KCNT2: variants seen among roughly 807,000 people sequenced by gnomAD.
KCNT2 encodes potassium channel subfamily T member 2.
A neutral mutation model predicts 153.8 loss-of-function variants in KCNT2; 67 were observed. That is an observed-to-expected ratio of 0.44 (90% CI 0.36 to 0.53). KCNT2 has a LOEUF of 0.53. KCNT2 is among the 20% of genes least tolerant of loss of function. The pLI is 0.00. For missense variants in KCNT2, 975 were observed against 1,354.8 expected, an observed-to-expected ratio of 0.72 and a Z score of 4.40; for synonymous variants, 500 against 458.8, an observed-to-expected ratio of 1.09 and a Z score of -1.15.
intron 18 of KCNT2, among the ~76,000 whole-genome samples, chr1:196,329,551 A>G (rs1466788741): frequency 6.6e-6 from 1 of 151,878 alleles, no homozygotes; most frequent in African/African-American, 2.4e-5. Flanking sequence ...AGAAATAAAA[A>G]CCAGAAGTGA....
chr1:196,487,342 G>A (rs1283648543), intron 3 of KCNT2, among the ~76,000 whole-genome samples: 7 of 151,498 alleles, frequency 4.6e-5, no homozygotes, highest in South Asian at 2.1e-4. Context: ...CAAAGATTCC[G>A]GTCTTAGGAC....
chr1:196,477,714 C>T lies in KCNT2; in HGVS notation c.384+1465G>A, dbSNP rs558789948. 3.9e-5 allele frequency among the ~76,000 whole-genome samples: 6 copies of T among 152,278 alleles called. No individual in the cohort carries two copies. The South Asian group carries it at 1.0e-3, about 26-fold the overall frequency. On this transcript the variant is annotated intron_variant, in intron 5 of 27. Coordinates refer to ENST00000294725, the MANE Select transcript of KCNT2 (RefSeq NM_198503.5). ...TAACAAAAATTAGTAATGATTATGACAACCACTCCAATGACTTTCTATCTT... is the reference window on the plus strand; with the variant it reads ...TAACAAAAATTAGTAATGATTATGATAACCACTCCAATGACTTTCTATCTT...
At chr1:196,277,450 C>A (rs1325688341) in intron 25 of KCNT2, among the ~76,000 whole-genome samples, 1 of 152,090 alleles carries the variant, frequency 6.6e-6, no homozygotes, top group African/African-American at 2.4e-5. Context: ...ACTTAGCGTT[C>A]AGAATTCAGT....
At chr1:196,357,553 T>A (rs2148252334) in intron 14 of KCNT2, among the ~76,000 whole-genome samples, 1 of 152,024 alleles carries the variant, frequency 6.6e-6, no homozygotes, top group East Asian at 1.9e-4. Flanking sequence ...AATCATTGGT[T>A]CTAGCTGTGG....
In KCNT2 at chr1:196,386,739, T is replaced by A. The variant is rs1001631824; in HGVS notation, c.1294+11824A>T. On this transcript the variant is annotated intron_variant, in intron 13 of 27. Transcript: ENST00000294725. The stretch of plus-strand genomic sequence containing the variant: ...TTCTCATTCCTTATTTGAAGCAGAG[T>A]TAGCGTTCTCAAGAAGGATTTAGCT... 2.6e-5 allele frequency among the ~76,000 whole-genome samples: 4 copies of A among 152,068 alleles called. No individual in the cohort carries two copies. The East Asian group carries it at 5.8e-4, about 22-fold the overall frequency.
intron 25 of KCNT2, among the ~76,000 whole-genome samples, chr1:196,274,185 T>G (rs372244374): frequency 6.6e-6 from 1 of 151,624 alleles, no homozygotes. Flanking sequence ...CAATGTATCA[T>G]AGCTAAGTAG....
chr1:196,314,848 T>C (rs771395343), intron 21 of KCNT2, among the ~76,000 whole-genome samples: 1 of 151,834 alleles, frequency 6.6e-6, no homozygotes, highest in African/African-American at 2.4e-5. Context: ...GTAATATTAA[T>C]AGCTAATATT....
intron 6 of KCNT2, 99 bp downstream of exon 6, chr1:196,468,895 T>C: frequency 1.3e-6 from 1 of 742,506 alleles, no homozygotes; most frequent in Non-Finnish European, 2.3e-6. Context: ...TCTAAATCCA[T>C]TTATCTTAGC....
intron 8 of KCNT2, among the ~76,000 whole-genome samples, chr1:196,453,308 T>A (rs549119153): frequency 6.6e-6 from 1 of 151,818 alleles, no homozygotes; most frequent in South Asian, 2.1e-4. Context: ...TTGGCTCAGG[T>A]GGTCGCAGCA....
At chr1:196,588,045 C>G (rs1473564854) in intron 1 of KCNT2, among the ~76,000 whole-genome samples, 1 of 151,904 alleles carries the variant, frequency 6.6e-6, no homozygotes, top group Admixed American at 6.6e-5. Flanking sequence ...TTTGAAAAAC[C>G]TTTTCTATCA....
At position 196,423,034 on chromosome 1, in the gene KCNT2, G is replaced by T. The variant is rs904693433; in HGVS notation, c.1185+16C>A. On this transcript the variant is annotated intron_variant, in intron 12 of 27. Transcript: ENST00000294725. ...ATGGAAAGCACAACTTACTAAAAAA[G>T]ATTTTAGAAACTTACAGATGATGTC... 2.0e-6 allele frequency: 3 copies of T among 1,516,126 alleles called. No homozygotes were observed. The highest frequency in any genetic ancestry group is 1.4e-5 in the African/African-American group (1 of 71,184). 93.9% of individuals were successfully genotyped at this position (1,516,126 alleles called of 1,614,324 possible).
At chr1:196,287,234 T>G (rs1274450535) in intron 22 of KCNT2, among the ~76,000 whole-genome samples, 1 of 152,100 alleles carries the variant, frequency 6.6e-6, no homozygotes, top group Admixed American at 6.6e-5. Flanking sequence ...GAACAGCTCA[T>G]GTGAGTGGCT....
At chr1:196,572,200 C>T (rs981058072) in intron 1 of KCNT2, among the ~76,000 whole-genome samples, 3 of 152,032 alleles carry the variant, frequency 2.0e-5, no homozygotes, top group Non-Finnish European at 4.4e-5. Flanking sequence ...CAAAATTAAA[C>T]CTTGCCAGTT....
intron 25 of KCNT2, among the ~76,000 whole-genome samples, chr1:196,261,068 C>T (rs988284698): frequency 2.0e-5 from 3 of 151,524 alleles, no homozygotes; most frequent in Admixed American, 1.3e-4. Context: ...AATAGGAGGT[C>T]CATTTATAAA....
At chr1:196,485,431 G>A (rs1305926818) in intron 3 of KCNT2, among the ~76,000 whole-genome samples, 2 of 152,034 alleles carry the variant, frequency 1.3e-5, no homozygotes, top group Non-Finnish European at 2.9e-5. Flanking sequence ...ATTTTCTAAT[G>A]TGTATATCTG....
At chr1:196,341,616 A>G (rs1665642224) in intron 15 of KCNT2, among the ~76,000 whole-genome samples, 1 of 151,456 alleles carries the variant, frequency 6.6e-6, no homozygotes, top group African/African-American at 2.4e-5. Context: ...AAAGGAAAAG[A>G]AAAAAAAAGT....
intron 22 of KCNT2, among the ~76,000 whole-genome samples, chr1:196,299,173 T>C (rs1660949765): frequency 6.6e-6 from 1 of 152,130 alleles, no homozygotes; most frequent in South Asian, 2.1e-4. Flanking sequence ...TTTTTTTCTA[T>C]TGTTGTTTTC....
intron 22 of KCNT2, among the ~76,000 whole-genome samples, chr1:196,292,881 T>C (rs1248907092): frequency 6.8e-6 from 1 of 147,972 alleles, no homozygotes; most frequent in African/African-American, 2.5e-5. Context: ...GAACTTACAG[T>C]ATATTGAAAC....
chr1:196,410,762 G>T (rs966052922), intron 12 of KCNT2, among the ~76,000 whole-genome samples: 4 of 149,804 alleles, frequency 2.7e-5, no homozygotes, highest in African/African-American at 9.8e-5. Flanking sequence ...GTACCTTGGT[G>T]TTATAACCAA....
Sources: allele counts gnomAD v4.1 joint callset (sites outside exome capture counted in the v4.1 genomes callset), GRCh38; gene constraint gnomAD v4.1.1; transcripts MANE v1.5; gene names NCBI Gene and HGNC (gene_info 2026-07-23, HGNC 2026-07-21).